The following CEP85L variants were observed in gnomAD, a reference collection of about 807,000 sequenced individuals.
The protein encoded by CEP85L is centrosomal protein 85L.
CEP85L carries 60 observed loss-of-function variants against 100.3 expected under a neutral mutation model. The ratio of observed to expected loss-of-function variants is 0.60; its 90% CI spans 0.49 to 0.74. The LOEUF (loss-of-function observed/expected upper bound fraction) is 0.74. Among genes scored for constraint, CEP85L ranks in the 30% least tolerant of loss-of-function variants. The probability of loss-of-function intolerance (pLI) is 0.00; values close to 1 mark genes in which losing one functional copy is unlikely to be tolerated. For missense variants in CEP85L, 973 were observed against 936.2 expected (o/e 1.04, Z -0.51); for synonymous variants, 319 against 322.7 (o/e 0.99, Z 0.12).
intron 2 of CEP85L, among the ~76,000 whole-genome samples, chr6:118,596,911 A>T: frequency 6.6e-6 from 1 of 152,108 alleles, no homozygotes; most frequent in East Asian, 1.9e-4. Flanking sequence ...CCCAAATCTC[A>T]TCTTGAATTG....
At chr6:118,534,776 T>C (rs1777491790) in intron 3 of CEP85L, among the ~76,000 whole-genome samples, 2 of 152,110 alleles carry the variant, frequency 1.3e-5, no homozygotes, top group South Asian at 4.2e-4. Context: ...TCCCAGCATT[T>C]TGAGAGGCCT....
chr6:118,641,725 TTGAAAAACCTGAAGA>T (rs1774888247), intron 1 of CEP85L, among the ~76,000 whole-genome samples: 2 of 151,934 alleles, frequency 1.3e-5, no homozygotes, highest in Non-Finnish European at 2.9e-5. Flanking sequence ...AAACCTGAAG[TTGAAAAACCTGAAGA>T]TAATACTAAA....
chr6:118,690,392 T>G (rs1418154028), intron 1 of CEP85L, among the ~76,000 whole-genome samples: 4 of 152,190 alleles, frequency 2.6e-5, no homozygotes, highest in Non-Finnish European at 4.4e-5. Flanking sequence ...TTGAATGACC[T>G]GAAGCTTTTC....
intron 2 of CEP85L, among the ~76,000 whole-genome samples, chr6:118,615,480 G>C (rs1293053738): frequency 6.6e-6 from 1 of 151,612 alleles, no homozygotes; most frequent in Non-Finnish European, 1.5e-5. Context: ...TGTGCAATAA[G>C]GATTAATTAA....
chr6:118,651,777 C>T, upstream of CEP85L: 1 of 986,224 alleles, frequency 1.0e-6, no homozygotes, highest in Non-Finnish European at 1.2e-6. Flanking sequence ...CTGTCCCGCC[C>T]TCCCGCCGCA....
In CEP85L at chr6:118,584,458, T is replaced by C. The variant is rs567419273; in HGVS notation, c.233-18142A>G. ...CTGTCCATGATATAACCTCATAAAA[T>C]AAACTCAAGGAACTAAAACTCATCT... On this transcript the variant is annotated intron_variant, in intron 2 of 12. Coordinates refer to ENST00000368491, the MANE Select transcript of CEP85L (RefSeq NM_001042475.3). 3.2e-4 allele frequency among the ~76,000 whole-genome samples: 48 copies of C among 152,252 alleles called. No individual in the cohort carries two copies. In the South Asian group the frequency reaches 6.2e-3, roughly 20 times the overall value.
chr6:118,651,807 C>T (rs528911427), upstream of CEP85L: 4 of 985,806 alleles, frequency 4.1e-6, no homozygotes, highest in Non-Finnish European at 4.8e-6. Flanking sequence ...CTCCATCCTC[C>T]CGCCCTGCGA....
At chr6:118,528,426 T>C (rs544830543) in intron 3 of CEP85L, among the ~76,000 whole-genome samples, 71 of 152,218 alleles carry the variant, frequency 4.7e-4, no homozygotes, top group Non-Finnish European at 8.1e-4. Flanking sequence ...TGTAACTCCC[T>C]TGATCTAAAC....
chr6:118,693,471 A>G (rs1238078443), intron 1 of CEP85L, among the ~76,000 whole-genome samples: 1 of 152,236 alleles, frequency 6.6e-6, no homozygotes, highest in Non-Finnish European at 1.5e-5. Context: ...TTCTGAAACC[A>G]ATGTTAGTGC....
intron 1 of CEP85L, among the ~76,000 whole-genome samples, chr6:118,701,623 G>A (rs1333819367): frequency 6.6e-6 from 1 of 152,170 alleles, no homozygotes; most frequent in East Asian, 1.9e-4. Context: ...AAAACTACTA[G>A]AAGGGAGAGG....
chr6:118,555,752 C>A (rs1282136046), intron 3 of CEP85L, among the ~76,000 whole-genome samples: 2 of 151,974 alleles, frequency 1.3e-5, no homozygotes, highest in African/African-American at 4.8e-5. Context: ...CTTCATCATC[C>A]CGTTATTAAG....
intron 1 of CEP85L, among the ~76,000 whole-genome samples, chr6:118,677,623 G>C (rs923694247): frequency 6.6e-6 from 1 of 152,124 alleles, no homozygotes; most frequent in Non-Finnish European, 1.5e-5. Flanking sequence ...CATTTTTACT[G>C]TATTGAATTT....
intron 1 of CEP85L, among the ~76,000 whole-genome samples, chr6:118,659,756 C>T (rs934375486): frequency 6.6e-6 from 1 of 152,232 alleles, no homozygotes; most frequent in Non-Finnish European, 1.5e-5. Flanking sequence ...GGCCCAAGAT[C>T]TAAGTTTCAG....
intron 2 of CEP85L, among the ~76,000 whole-genome samples, chr6:118,627,329 C>T (rs1270601913): frequency 6.6e-6 from 1 of 151,794 alleles, no homozygotes; most frequent in Non-Finnish European, 1.5e-5. Context: ...GTCAACATTA[C>T]AGTGATTAAG....
intron 5 of CEP85L, among the ~76,000 whole-genome samples, chr6:118,493,579 G>T (rs890594355): frequency 6.6e-6 from 1 of 152,094 alleles, no homozygotes; most frequent in Non-Finnish European, 1.5e-5. Context: ...CTGATATAGA[G>T]CATGGAGAAC....
intron 10 of CEP85L, among the ~76,000 whole-genome samples, chr6:118,479,243 C>T (rs1773604021): frequency 6.6e-6 from 1 of 152,120 alleles, no homozygotes; most frequent in East Asian, 1.9e-4. Context: ...AATGGCAAAT[C>T]ATTTACCACT....
At chr6:118,577,354 T>C (rs772147417) in intron 2 of CEP85L, among the ~76,000 whole-genome samples, 10 of 152,210 alleles carry the variant, frequency 6.6e-5, no homozygotes, top group Non-Finnish European at 1.5e-4. Flanking sequence ...CCTTTCACTC[T>C]GGCATTTCAT....
intron 1 of CEP85L, among the ~76,000 whole-genome samples, chr6:118,696,156 A>G (rs552740382): frequency 1.3e-5 from 2 of 152,266 alleles, no homozygotes; most frequent in South Asian, 4.1e-4. Flanking sequence ...CTGTAATTCC[A>G]GCTACTCGGG....
intron 2 of CEP85L, among the ~76,000 whole-genome samples, chr6:118,609,394 G>A (rs1242742827): frequency 6.6e-6 from 1 of 152,062 alleles, no homozygotes; most frequent in Non-Finnish European, 1.5e-5. Flanking sequence ...TTATGCTCTT[G>A]TAAATGTGTA....
Sources: gnomAD v4.1 joint callset for allele counts (sites outside exome capture counted in the v4.1 genomes callset) on GRCh38, gnomAD v4.1.1 for gene constraint, MANE v1.5 for transcripts, NCBI Gene and HGNC (gene_info 2026-07-23, HGNC 2026-07-21) for gene names.